ARHGEF11: variants seen among roughly 807,000 people sequenced by gnomAD.
The protein encoded by ARHGEF11 is Rho guanine nucleotide exchange factor 11.
In ARHGEF11, 55 loss-of-function variants were observed where a neutral mutation model predicts 193.7. That is an observed-to-expected ratio of 0.28 (90% CI 0.23 to 0.36). The LOEUF (loss-of-function observed/expected upper bound fraction) is 0.36, where lower values mean the gene tolerates loss of function less well. Among genes scored for constraint, ARHGEF11 ranks in the 10% least tolerant of loss-of-function variants. The pLI is 1.00. For synonymous variants in ARHGEF11, 693 were observed against 768.0 expected (o/e 0.90, Z 1.62); for missense variants, 1,723 against 2,005.6 (o/e 0.86, Z 2.69).
chr1:156,954,875 T>C lies in ARHGEF11; in HGVS notation c.1798+17A>G, dbSNP rs760253379. 62 of 1,604,316 alleles carry C rather than the reference T, an allele frequency of 3.9e-5. 1 individual carries two copies. The South Asian group carries it at 6.4e-4, about 17-fold the overall frequency. ...ATGCTAATGCAAAGACAAACCCAAA[T>C]AAAATGGTCCTTTTACCTTCCACAG... On this transcript the variant is annotated intron_variant, in intron 21 of 40. Transcript: ENST00000368194.
At chr1:156,936,740 C>T in intron 40 of ARHGEF11, 76 bp downstream of exon 40, 8 of 1,494,250 alleles carry the variant, frequency 5.4e-6, no homozygotes, top group Non-Finnish European at 7.3e-6. Context: ...TCTCTCACTG[C>T]TTAGTGATGT....
chr1:156,986,837 A>C (rs1341815322), intron 1 of ARHGEF11, among the ~76,000 whole-genome samples: 2 of 152,236 alleles, frequency 1.3e-5, no homozygotes, highest in Non-Finnish European at 2.9e-5. Flanking sequence ...TAGAAAAGAC[A>C]GTAGAGGAAC....
chr1:157,017,313 C>T (rs956671486), intron 1 of ARHGEF11, among the ~76,000 whole-genome samples: 1 of 152,168 alleles, frequency 6.6e-6, no homozygotes, highest in South Asian at 2.1e-4. Context: ...GCACTTATTA[C>T]ACTTACTTGT....
intron 1 of ARHGEF11, among the ~76,000 whole-genome samples, chr1:157,036,274 A>G (rs1387444599): frequency 2.0e-5 from 3 of 149,392 alleles, no homozygotes; most frequent in Non-Finnish European, 4.5e-5. Context: ...CCATGACCCA[A>G]CTTCCTAAGG....
intron 1 of ARHGEF11, among the ~76,000 whole-genome samples, chr1:156,986,973 C>T (rs111460123): frequency 8.5e-5 from 13 of 152,310 alleles, no homozygotes; most frequent in African/African-American, 2.9e-4. Context: ...TGAGGCACCT[C>T]GCCTAATTAG....
chr1:156,972,536 T>C (rs1435177558), intron 7 of ARHGEF11, among the ~76,000 whole-genome samples: 1 of 152,224 alleles, frequency 6.6e-6, no homozygotes, highest in Non-Finnish European at 1.5e-5. Context: ...ATGGCAGCTA[T>C]TAACATTTCA....
At chr1:156,961,923 C>T (rs1660920052) in intron 13 of ARHGEF11, 148 bp from the exon 14 acceptor site, 2 of 640,384 alleles carry the variant, frequency 3.1e-6, no homozygotes, top group Non-Finnish European at 5.6e-6. Flanking sequence ...GTGGGTACAG[C>T]CCAGTGATGC....
At chr1:156,940,448 G>T in intron 35 of ARHGEF11, 23 bp from the exon 36 acceptor site, 1 of 1,582,140 alleles carries the variant, frequency 6.3e-7, no homozygotes, top group Admixed American at 1.7e-5. Flanking sequence ...AGAGAAGATT[G>T]TAAGGCAGGG....
intron 1 of ARHGEF11, among the ~76,000 whole-genome samples, chr1:157,003,493 G>GT (rs1172488566): frequency 1.3e-5 from 2 of 152,230 alleles, no homozygotes; most frequent in Non-Finnish European, 2.9e-5. Flanking sequence ...AGTAGCAGGT[G>GT]TTGTGCCAGA....
At chr1:157,024,365 G>T (rs531661173) in intron 1 of ARHGEF11, among the ~76,000 whole-genome samples, 1 of 152,116 alleles carries the variant, frequency 6.6e-6, no homozygotes, top group Non-Finnish European at 1.5e-5. Context: ...AGTGATAATG[G>T]GTGCACGACC....
chr1:156,997,473 T>C (rs994199337), intron 1 of ARHGEF11, among the ~76,000 whole-genome samples: 16 of 151,974 alleles, frequency 1.1e-4, no homozygotes, highest in Admixed American at 3.3e-4. Context: ...GTGACTAGAG[T>C]GGCCTGGAGG....
chr1:156,961,614 T>TC, intron 14 of ARHGEF11, 63 bp downstream of exon 14: 2 of 1,464,868 alleles, frequency 1.4e-6, no homozygotes, highest in Non-Finnish European at 1.9e-6. Context: ...TGCTTAATTT[T>TC]CCCTGCCTCT....
chr1:156,978,147 T>A (rs1557891919), intron 6 of ARHGEF11, 57 bp downstream of exon 6: 1 of 1,608,050 alleles, frequency 6.2e-7, no homozygotes, highest in Admixed American at 1.7e-5. Flanking sequence ...TCCTCCCCAA[T>A]GCGGAGCTTT....
At chr1:156,936,497 A>AAAAAAAATAAAAAAAAAT (rs370282821) in intron 40 of ARHGEF11, among the ~76,000 whole-genome samples, 3 of 33,916 alleles carry the variant, frequency 8.8e-5, no homozygotes, top group African/African-American at 4.6e-4. Context: ...AAAAAAAAAA[A>AAAAAAAATAAAAAAAAAT]ATATATATAT....
intron 1 of ARHGEF11, among the ~76,000 whole-genome samples, chr1:157,023,765 CAA>C (rs34617659): frequency 8.0e-5 from 10 of 124,508 alleles, no homozygotes; most frequent in Admixed American, 8.3e-5. Context: ...GACTCCATCT[CAA>C]AAAAAAAAAA....
chr1:156,960,312 T>C (rs779627667), intron 15 of ARHGEF11, 106 bp downstream of exon 15: 13 of 1,104,254 alleles, frequency 1.2e-5, no homozygotes, highest in Admixed American at 1.1e-4. Context: ...TACAGGACGG[T>C]TGCCCAAGGA....
intron 1 of ARHGEF11, among the ~76,000 whole-genome samples, chr1:157,008,120 A>G (rs1290352723): frequency 1.3e-5 from 2 of 152,132 alleles, no homozygotes; most frequent in East Asian, 3.9e-4. Context: ...CTCAAACTCG[A>G]AAATAATGCA....
chr1:156,936,130 G>A lies in ARHGEF11; in HGVS notation c.4631-72C>T, dbSNP rs1205378196. ...CGCTTCCACATGTTTTGTCTAGAAA[G>A]TTCAGGCTCACGAGAACAGATCCTT... On this transcript the variant is annotated intron_variant, in intron 40 of 40. Transcript: ENST00000368194. The A allele has an allele frequency of 4.7e-6, 7 of 1,476,970 alleles. No individual in the cohort carries two copies. The African/African-American group carries it at 9.7e-5, about 21-fold the overall frequency. The allele number at this position is 1,476,970 out of a possible 1,614,324, so 91.5% of individuals were successfully genotyped here.
At chr1:156,971,620 T>A (rs12136088) in intron 8 of ARHGEF11, 77 bp downstream of exon 8, 3 of 1,531,450 alleles carry the variant, frequency 2.0e-6, no homozygotes, top group East Asian at 2.3e-5. Context: ...AGAAGCCTTC[T>A]GTCCTTGCTT....
Sources: allele counts gnomAD v4.1 joint callset (sites outside exome capture counted in the v4.1 genomes callset), GRCh38; gene constraint gnomAD v4.1.1; transcripts MANE v1.5; gene names NCBI Gene and HGNC (gene_info 2026-07-23, HGNC 2026-07-21).